Variants in FOXP2 observed in about 807,000 individuals in gnomAD.
FOXP2 encodes forkhead box protein P2.
In FOXP2, 12 loss-of-function variants were observed where a neutral mutation model predicts 115.8. That is an observed-to-expected ratio of 0.10 (90% CI 0.07 to 0.17). The LOEUF is 0.17. Ranked by LOEUF, FOXP2 falls within the 10% of genes least tolerant of loss-of-function variation. The probability of loss-of-function intolerance (pLI) is 1.00; values close to 1 mark genes in which losing one functional copy is unlikely to be tolerated. For missense variants in FOXP2, 629 were observed against 843.5 expected, an observed-to-expected ratio of 0.75 and a Z score of 3.15; for synonymous variants, 328 against 297.7, an observed-to-expected ratio of 1.10 and a Z score of -1.05.
At chr7:114,563,140 A>G (rs1800835636) in intron 3 of FOXP2, among the ~76,000 whole-genome samples, 1 of 152,174 alleles carries the variant, frequency 6.6e-6, no homozygotes, top group Non-Finnish European at 1.5e-5. Context: ...TGCCCCCATG[A>G]TTCAGTTACC....
At chr7:114,533,123 G>A (rs1317952221) in intron 2 of FOXP2, among the ~76,000 whole-genome samples, 1 of 151,874 alleles carries the variant, frequency 6.6e-6, no homozygotes, top group African/African-American at 2.4e-5. Flanking sequence ...CAACAACAAA[G>A]ATGATTATCG....
At chr7:114,671,444 T>A (rs778193526) in intron 16 of FOXP2, among the ~76,000 whole-genome samples, 4 of 152,166 alleles carry the variant, frequency 2.6e-5, no homozygotes, top group Non-Finnish European at 4.4e-5. Flanking sequence ...ATCCGTGGTG[T>A]GAATTCCCAC....
At chr7:114,629,691 T>C (rs1804784018) in intron 4 of FOXP2, 114 bp from the exon 5 acceptor site, 6 of 1,603,004 alleles carry the variant, frequency 3.7e-6, no homozygotes, top group South Asian at 2.2e-5. Flanking sequence ...TTGTTGTTTT[T>C]ATGGGATGAA....
At chr7:114,390,522 G>GTATTTATGTATTTATTTATTTATTTATT (rs144084916) in intron 2 of FOXP2, among the ~76,000 whole-genome samples, 1 of 148,264 alleles carries the variant, frequency 6.7e-6, no homozygotes, top group East Asian at 2.0e-4. Flanking sequence ...TTTTATTTAT[G>GTATTTATGTATTTATTTATTTATTTATT]TATTTATTTA....
At chr7:114,279,444 T>C (rs1342533912) in intron 1 of FOXP2, among the ~76,000 whole-genome samples, 1 of 152,160 alleles carries the variant, frequency 6.6e-6, no homozygotes, top group African/African-American at 2.4e-5. Context: ...ACTCCCAATA[T>C]CCTATTTTTC....
intron 1 of FOXP2, among the ~76,000 whole-genome samples, chr7:114,416,876 C>G (rs1466365314): frequency 1.3e-5 from 2 of 151,556 alleles, no homozygotes. Flanking sequence ...ATATGGTGCT[C>G]TATTAGAAAA....
chr7:114,413,290 A>AAGCAGACTTAAAAAATATATTCCTGAT, upstream of FOXP2, among the ~76,000 whole-genome samples: 1 of 152,304 alleles, frequency 6.6e-6, no homozygotes, highest in East Asian at 1.9e-4. Flanking sequence ...TAAATGAACA[A>AAGCAGACTTAAAAAATATATTCCTGAT]AGCAGACTTA....
intron 1 of FOXP2, among the ~76,000 whole-genome samples, chr7:114,264,068 A>C (rs1562843680): frequency 1.3e-5 from 2 of 152,048 alleles, no homozygotes; most frequent in Non-Finnish European, 2.9e-5. Flanking sequence ...AAGTGTGTCT[A>C]GGGTTTCTCT....
chr7:114,620,945 A>G (rs1374611909), intron 3 of FOXP2, among the ~76,000 whole-genome samples: 1 of 152,012 alleles, frequency 6.6e-6, no homozygotes, highest in Non-Finnish European at 1.5e-5. Context: ...AAATAGCTAC[A>G]TTATTTTGAG....
chr7:114,350,320 G>A (rs544597634), intron 2 of FOXP2, among the ~76,000 whole-genome samples: 1 of 152,042 alleles, frequency 6.6e-6, no homozygotes, highest in Non-Finnish European at 1.5e-5. Flanking sequence ...AACAGGCTCC[G>A]GTGTGTGATG....
At chr7:114,498,071 A>T (rs1797402567) in intron 2 of FOXP2, among the ~76,000 whole-genome samples, 1 of 152,188 alleles carries the variant, frequency 6.6e-6, no homozygotes, top group Admixed American at 6.5e-5. Flanking sequence ...TTTTTGACTT[A>T]TAAAATGATT....
intron 10 of FOXP2, among the ~76,000 whole-genome samples, chr7:114,655,468 T>TCTTAGATGAG (rs1806534060): frequency 6.6e-6 from 1 of 152,110 alleles, no homozygotes; most frequent in Non-Finnish European, 1.5e-5. Flanking sequence ...TAATACAGAA[T>TCTTAGATGAG]CTTAGATGAG....
chr7:114,418,414 C>A (rs1259415167), intron 1 of FOXP2, among the ~76,000 whole-genome samples: 1 of 151,898 alleles, frequency 6.6e-6, no homozygotes, highest in African/African-American at 2.4e-5. Context: ...CGGCAAGATT[C>A]TGTGGCTAGC....
chr7:114,653,798 C>T (rs778707671), intron 9 of FOXP2, 128 bp from the exon 10 acceptor site: 67 of 1,039,202 alleles, frequency 6.4e-5, no homozygotes, highest in Non-Finnish European at 9.4e-5. Flanking sequence ...ATAAGTTCCT[C>T]CTGACGCAGA....
intron 2 of FOXP2, among the ~76,000 whole-genome samples, chr7:114,396,014 A>G (rs1031242773): frequency 7.9e-5 from 12 of 152,102 alleles, no homozygotes; most frequent in African/African-American, 2.9e-4. Context: ...GTTATAAACA[A>G]TCCAATTATA....
At chr7:114,316,322 C>G (rs920112982) in intron 2 of FOXP2, among the ~76,000 whole-genome samples, 1 of 152,180 alleles carries the variant, frequency 6.6e-6, no homozygotes, top group African/African-American at 2.4e-5. Flanking sequence ...ATACATTACT[C>G]TAATTCTCCA....
At chr7:114,350,403 G>A (rs1343487209) in intron 2 of FOXP2, among the ~76,000 whole-genome samples, 1 of 152,126 alleles carries the variant, frequency 6.6e-6, no homozygotes, top group African/African-American at 2.4e-5. Context: ...GTGTGCGGAT[G>A]TATTATATTT....
chr7:114,293,018 C>T (rs1161814544), intron 2 of FOXP2, among the ~76,000 whole-genome samples: 1 of 152,078 alleles, frequency 6.6e-6, no homozygotes, highest in Non-Finnish European at 1.5e-5. Context: ...ACAACTTACA[C>T]CTTTGAAACC....
chr7:114,113,424 C>G (rs1026381713), intron 1 of FOXP2, among the ~76,000 whole-genome samples: 6 of 152,170 alleles, frequency 3.9e-5, no homozygotes, highest in Admixed American at 1.3e-4. Flanking sequence ...CTCTGTCACT[C>G]AGGCTGGAGG....
Sources: gnomAD v4.1 joint callset for allele counts (sites outside exome capture counted in the v4.1 genomes callset) on GRCh38, gnomAD v4.1.1 for gene constraint, MANE v1.5 for transcripts, NCBI Gene and HGNC (gene_info 2026-07-23, HGNC 2026-07-21) for gene names.